TRIM2: variants seen among roughly 807,000 people sequenced by gnomAD.
The protein encoded by TRIM2 is tripartite motif containing 2, also known as tripartite motif-containing protein 2.
A neutral mutation model predicts 75.2 loss-of-function variants in TRIM2; 20 were observed. The observed-to-expected ratio is 0.27, with a 90% confidence interval of 0.19 to 0.39. TRIM2 has a LOEUF of 0.39. Among genes scored for constraint, TRIM2 ranks in the 10% least tolerant of loss-of-function variants. TRIM2 has a pLI of 1.00. For synonymous variants in TRIM2, 373 were observed against 388.3 expected, an observed-to-expected ratio of 0.96 and a Z score of 0.46; for missense variants, 660 against 990.8, an observed-to-expected ratio of 0.67 and a Z score of 4.48.
At chr4:153,282,942 C>G (rs956257279) in intron 3 of TRIM2, among the ~76,000 whole-genome samples, 4 of 136,250 alleles carry the variant, frequency 2.9e-5, no homozygotes, top group African/African-American at 1.3e-4. Flanking sequence ...GCGCATGCCA[C>G]CAACCTAGCT....
chr4:153,320,209 T>G (rs1317105478), intron 8 of TRIM2, among the ~76,000 whole-genome samples: 2 of 152,226 alleles, frequency 1.3e-5, no homozygotes, highest in Non-Finnish European at 2.9e-5. Context: ...GAATCAAATT[T>G]ACACAGCAGT....
At chr4:153,231,168 AAAC>A (rs1743514114) in intron 1 of TRIM2, among the ~76,000 whole-genome samples, 2 of 152,214 alleles carry the variant, frequency 1.3e-5, no homozygotes, top group Non-Finnish European at 2.9e-5. Flanking sequence ...TTTGTTGAGA[AAAC>A]AAATCTAGGA....
chr4:153,209,680 A>C (rs1162103198), intron 1 of TRIM2, among the ~76,000 whole-genome samples: 6 of 152,236 alleles, frequency 3.9e-5, no homozygotes, highest in Admixed American at 3.9e-4. Flanking sequence ...CGTGGGAGAC[A>C]AAGGGTCAGT....
At chr4:153,165,933 T>C (rs1032292434) in intron 1 of TRIM2, among the ~76,000 whole-genome samples, 1 of 152,222 alleles carries the variant, frequency 6.6e-6, no homozygotes, top group Non-Finnish European at 1.5e-5. Flanking sequence ...TATGGGAAGA[T>C]GTCTTCTATT....
chr4:153,226,920 G>T (rs1329719417), intron 1 of TRIM2, among the ~76,000 whole-genome samples: 1 of 152,206 alleles, frequency 6.6e-6, no homozygotes, highest in Non-Finnish European at 1.5e-5. Flanking sequence ...GATTTATTGA[G>T]CAAATACTAT....
At chr4:153,159,127 AT>A (rs1256734913) in intron 1 of TRIM2, among the ~76,000 whole-genome samples, 1 of 152,062 alleles carries the variant, frequency 6.6e-6, no homozygotes, top group African/African-American at 2.4e-5. Flanking sequence ...TGTGATGAGT[AT>A]TTTTTTCAGG....
chr4:153,298,014 C>G (rs1453085047), intron 6 of TRIM2, among the ~76,000 whole-genome samples: 1 of 152,154 alleles, frequency 6.6e-6, no homozygotes, highest in Non-Finnish European at 1.5e-5. Context: ...AGAGACATGT[C>G]TTTCAGGAGT....
intron 10 of TRIM2, among the ~76,000 whole-genome samples, chr4:153,327,175 C>T (rs771637895): frequency 1.3e-5 from 2 of 152,056 alleles, no homozygotes; most frequent in Non-Finnish European, 2.9e-5. Context: ...TTAGTAAAAG[C>T]TGGTTGTTCT....
intron 8 of TRIM2, among the ~76,000 whole-genome samples, chr4:153,317,517 C>T (rs1025914234): frequency 2.3e-4 from 35 of 151,896 alleles, no homozygotes; most frequent in African/African-American, 7.5e-4. Context: ...GCCGTGGTGG[C>T]GTGCACCTGT....
intron 1 of TRIM2, among the ~76,000 whole-genome samples, chr4:153,164,598 C>T (rs1730097175): frequency 6.6e-6 from 1 of 152,166 alleles, no homozygotes; most frequent in Admixed American, 6.5e-5. Context: ...TACCCTGGTC[C>T]CCAGCCTCCC....
At chr4:153,323,289 T>C (rs1009789595) in intron 9 of TRIM2, among the ~76,000 whole-genome samples, 1 of 152,206 alleles carries the variant, frequency 6.6e-6, no homozygotes, top group Admixed American at 6.5e-5. Flanking sequence ...TGTAGCACTT[T>C]GCAATCACAA....
intron 10 of TRIM2, among the ~76,000 whole-genome samples, chr4:153,327,484 A>G (rs1341093243): frequency 6.6e-6 from 1 of 152,244 alleles, no homozygotes; most frequent in Admixed American, 6.5e-5. Context: ...CCTTACTCTC[A>G]AAGTGCCTTT....
intron 1 of TRIM2, among the ~76,000 whole-genome samples, chr4:153,174,497 C>T (rs1268458824): frequency 6.6e-6 from 1 of 152,114 alleles, no homozygotes; most frequent in African/African-American, 2.4e-5. Context: ...ACCGGGTGTG[C>T]AAAGGAGCAG....
chr4:153,157,851 G>A (rs1336479113), intron 1 of TRIM2, among the ~76,000 whole-genome samples: 1 of 152,212 alleles, frequency 6.6e-6, no homozygotes, highest in Non-Finnish European at 1.5e-5. Context: ...GCTCCTTTCA[G>A]GCATGAGACC....
intron 1 of TRIM2, among the ~76,000 whole-genome samples, chr4:153,186,705 CA>C (rs1472143944): frequency 6.6e-6 from 1 of 152,206 alleles, no homozygotes; most frequent in Non-Finnish European, 1.5e-5. Flanking sequence ...ACGCCTGCAC[CA>C]TTATTCCACC....
intron 1 of TRIM2, among the ~76,000 whole-genome samples, chr4:153,208,541 C>T (rs893519462): frequency 5.9e-5 from 9 of 151,724 alleles, no homozygotes; most frequent in Middle Eastern, 3.2e-3. Flanking sequence ...TATAATATCC[C>T]GTAGATGTGT....
intron 1 of TRIM2, among the ~76,000 whole-genome samples, chr4:153,183,546 G>T (rs1215519758): frequency 2.0e-5 from 3 of 152,158 alleles, no homozygotes; most frequent in African/African-American, 7.2e-5. Flanking sequence ...AGGAGGAAGG[G>T]TGCTATGGGA....
chr4:153,275,806 T>C (rs1177248845), intron 2 of TRIM2, 87 bp from the exon 3 acceptor site: 8 of 1,248,534 alleles, frequency 6.4e-6, no homozygotes, highest in Non-Finnish European at 9.1e-6. Flanking sequence ...CCAAATACCT[T>C]GTGTAGTCAC....
At chr4:153,315,684 A>G in intron 7 of TRIM2, 96 bp downstream of exon 7, 1 of 1,441,548 alleles carries the variant, frequency 6.9e-7, no homozygotes, top group East Asian at 2.3e-5. Flanking sequence ...ACATGGTGTA[A>G]GGAAAAAAGC....
Sources: allele counts gnomAD v4.1 joint callset (sites outside exome capture counted in the v4.1 genomes callset), GRCh38; gene constraint gnomAD v4.1.1; transcripts MANE v1.5; gene names NCBI Gene and HGNC (gene_info 2026-07-23, HGNC 2026-07-21).